Variants in PROS1 observed in about 807,000 individuals in gnomAD.
PROS1 encodes protein S, also known as vitamin K-dependent protein S.
PROS1 carries 29 observed loss-of-function variants against 75.9 expected under a neutral mutation model. That is an observed-to-expected ratio of 0.38 (90% CI 0.28 to 0.52). PROS1 has a LOEUF of 0.52. Ranked by LOEUF, PROS1 falls within the 20% of genes least tolerant of loss-of-function variation. The probability of loss-of-function intolerance (pLI) is 0.83; values close to 1 mark genes in which losing one functional copy is unlikely to be tolerated. For missense variants in PROS1, 680 were observed against 810.3 expected, an observed-to-expected ratio of 0.84 and a Z score of 1.95; for synonymous variants, 245 against 280.6, an observed-to-expected ratio of 0.87 and a Z score of 1.27.
intron 1 of PROS1, among the ~76,000 whole-genome samples, chr3:93,934,611 C>G (rs775005908): frequency 4.6e-5 from 7 of 151,972 alleles, no homozygotes; most frequent in Non-Finnish European, 1.0e-4. Flanking sequence ...TTACTAGAGT[C>G]AAAGATCATT....
intron 1 of PROS1, among the ~76,000 whole-genome samples, chr3:93,956,563 A>C (rs9868364): frequency 0.032 from 4,042 of 128,092 alleles, 61 homozygotes; most frequent in East Asian, 0.05. Flanking sequence ...CACACACACA[A>C]ACACACACAC....
chr3:93,929,299 G>C (rs765824898), intron 1 of PROS1, among the ~76,000 whole-genome samples: 1 of 152,188 alleles, frequency 6.6e-6, no homozygotes, highest in Non-Finnish European at 1.5e-5. Flanking sequence ...ATGACAAAGA[G>C]AGACCCCACA....
intron 1 of PROS1, among the ~76,000 whole-genome samples, chr3:93,968,303 T>G (rs186411559): frequency 2.0e-5 from 3 of 152,072 alleles, no homozygotes; most frequent in Non-Finnish European, 1.5e-5. Flanking sequence ...GAGACAGACA[T>G]GTACAGAGGG....
chr3:93,944,873 G>T (rs1031302013), intron 1 of PROS1, among the ~76,000 whole-genome samples: 14 of 152,066 alleles, frequency 9.2e-5, no homozygotes, highest in East Asian at 1.9e-4. Flanking sequence ...CTAGGAGCTG[G>T]TTTTTTGAAA....
intron 1 of PROS1, chr3:93,968,009 G>A (rs1207817066): frequency 3.3e-5 from 5 of 152,070 alleles, no homozygotes; most frequent in Admixed American, 2.6e-4. Flanking sequence ...TGGCAAATTT[G>A]ACTGGCTTAA....
At chr3:93,902,358 G>A (rs1215258261) in intron 6 of PROS1, among the ~76,000 whole-genome samples, 1 of 152,140 alleles carries the variant, frequency 6.6e-6, no homozygotes, top group Non-Finnish European at 1.5e-5. Context: ...AGTGTATTTG[G>A]TTTGAGGCAT....
At chr3:93,906,543 G>A (rs371368668) in intron 4 of PROS1, among the ~76,000 whole-genome samples, 8 of 152,170 alleles carry the variant, frequency 5.3e-5, no homozygotes, top group South Asian at 2.1e-4. Context: ...GCTTCTCCCC[G>A]CAGCAGGCAT....
At chr3:93,940,636 T>A (rs1476180422) in intron 1 of PROS1, among the ~76,000 whole-genome samples, 1 of 152,000 alleles carries the variant, frequency 6.6e-6, no homozygotes, top group Non-Finnish European at 1.5e-5. Context: ...ACCCAAAGCC[T>A]CCTTCACATC....
At chr3:93,885,212 C>T (rs752573768) in intron 11 of PROS1, among the ~76,000 whole-genome samples, 6 of 152,004 alleles carry the variant, frequency 3.9e-5, no homozygotes, top group Admixed American at 6.6e-5. Flanking sequence ...CTAGCTGTGG[C>T]CCTGGGCTCT....
intron 14 of PROS1, 68 bp downstream of exon 14, chr3:93,876,898 T>C (rs1708197994): frequency 9.6e-7 from 1 of 1,041,494 alleles, no homozygotes; most frequent in Non-Finnish European, 1.4e-6. Flanking sequence ...ACTATAATTA[T>C]ATATTTAAAA....
intron 1 of PROS1, among the ~76,000 whole-genome samples, chr3:93,959,643 G>A (rs1307146630): frequency 6.6e-6 from 1 of 152,210 alleles, no homozygotes; most frequent in Non-Finnish European, 1.5e-5. Context: ...TATTCTGGAT[G>A]AGTACATCCA....
intron 8 of PROS1, among the ~76,000 whole-genome samples, chr3:93,897,222 A>G (rs757308621): frequency 2.6e-5 from 4 of 152,146 alleles, no homozygotes; most frequent in Non-Finnish European, 4.4e-5. Flanking sequence ...AAATAAATAT[A>G]AATTCAGATC....
rs538178021 is a variant in PROS1, at chr3:93,873,273, G to A, written c.*972C>T. 4 of 152,298 alleles carry A rather than the reference G, an allele frequency of 2.6e-5. No individual in the cohort carries two copies. The highest frequency in any genetic ancestry group is 4.8e-5 in the African/African-American group (2 of 41,570). The allele number at this position is 152,298 out of a possible 1,614,324, so 9.4% of individuals were successfully genotyped here. The stretch of plus-strand genomic sequence containing the variant: ...AATGCATCACAGTACCAGCAGGCAC[G>A]TGGCAATCTTACCTCCTTACTTCTT... On this transcript the variant is annotated 3_prime_UTR_variant, in exon 15 of 15. Transcript: ENST00000394236.
In PROS1 at chr3:93,961,119, T is replaced by G. The variant is rs138982046; in HGVS notation, c.76+12555A>C. ...AAAGTATGTTAAAACTTGAATAGTC[T>G]TTGGATAGATCACCTGGCATGACTG... On this transcript the variant is annotated intron_variant, in intron 1 of 14. Coordinates refer to ENST00000394236, the MANE Select transcript of PROS1 (RefSeq NM_000313.4). 1.5e-3 allele frequency among the ~76,000 whole-genome samples: 222 copies of G among 152,256 alleles called. 4 individuals carry two copies. In the East Asian group the frequency reaches 0.033, roughly 22 times the overall value.
intron 1 of PROS1, among the ~76,000 whole-genome samples, chr3:93,933,315 A>G (rs1709133759): frequency 6.6e-6 from 1 of 152,178 alleles, no homozygotes; most frequent in African/African-American, 2.4e-5. Flanking sequence ...TGGCTCGCAC[A>G]TGTAATCCCA....
At chr3:93,904,280 G>C (rs1369830345) in intron 6 of PROS1, among the ~76,000 whole-genome samples, 4 of 152,104 alleles carry the variant, frequency 2.6e-5, no homozygotes, top group African/African-American at 9.7e-5. Flanking sequence ...AAACATACGT[G>C]TGCATGTGTC....
chr3:93,968,220 A>G (rs972023994), intron 1 of PROS1, among the ~76,000 whole-genome samples: 10 of 152,188 alleles, frequency 6.6e-5, no homozygotes, highest in African/African-American at 2.4e-4. Flanking sequence ...TGATCAAATT[A>G]AGATGAGGTC....
In PROS1 at chr3:93,906,132, G is replaced by C. The variant is rs1471724817; in HGVS notation, c.358C>G (p.Gln120Glu). Residue 120 changes from glutamine (Q) to glutamate (E), a missense_variant, in exon 5 of 15, where the codon CAG becomes GAG. Physicochemically the swap from Gln to Glu is conservative, Grantham distance 29. Coordinates refer to ENST00000394236, the MANE Select transcript of PROS1 (RefSeq NM_000313.4). The part of the protein sequence containing the change: ...LRSCVNAIPD[Q>E]CSPLPCNEDG... ...TCATTGCATGGCAGAGGACTACACT[G>C]GTCTGGAATGGCTGAAGGAAATAGA... The C allele has an allele frequency of 1.9e-6, 3 of 1,612,844 alleles. No individual in the cohort carries two copies. The highest frequency in any genetic ancestry group is 8.5e-7 in the Non-Finnish European group (1 of 1,179,732).
intron 1 of PROS1, among the ~76,000 whole-genome samples, chr3:93,934,487 AC>A (rs1709153356): frequency 6.6e-6 from 1 of 152,234 alleles, no homozygotes; most frequent in Non-Finnish European, 1.5e-5. Context: ...CTGCTATGCA[AC>A]GATTTCTTCT....
Sources: allele counts gnomAD v4.1 joint callset (sites outside exome capture counted in the v4.1 genomes callset), GRCh38; gene constraint gnomAD v4.1.1; transcripts MANE v1.5; gene names NCBI Gene and HGNC (gene_info 2026-07-23, HGNC 2026-07-21).